Variants in SCARA5 observed in about 807,000 individuals in gnomAD.
SCARA5 encodes the protein scavenger receptor class A, member 5 (putative).
A neutral mutation model predicts 46.3 loss-of-function variants in SCARA5; 45 were observed. The ratio of observed to expected loss-of-function variants is 0.97; its 90% CI spans 0.76 to 1.24. The LOEUF is 1.24. Ranked by LOEUF, SCARA5 falls within the 50% of genes most tolerant of loss-of-function variation. SCARA5 has a pLI of 0.00. For missense variants in SCARA5, 680 were observed against 689.0 expected, an observed-to-expected ratio of 0.99 and a Z score of 0.15; for synonymous variants, 333 against 306.5, an observed-to-expected ratio of 1.09 and a Z score of -0.90.
chr8:27,947,886 A>G (rs1045511228), intron 3 of SCARA5, among the ~76,000 whole-genome samples: 3 of 152,120 alleles, frequency 2.0e-5, no homozygotes, highest in African/African-American at 7.2e-5. Flanking sequence ...AAAACATGAT[A>G]GACAAACACT....
chr8:27,921,946 C>T lies in SCARA5; in HGVS notation c.541G>A (p.Ala181Thr). 6.5e-7 allele frequency: 1 copy of T among 1,542,228 alleles called. No individual in the cohort carries two copies. The highest frequency in any genetic ancestry group is 1.2e-5 in the South Asian group (1 of 81,856). The change falls in exon 4 of 9, where the codon GCG becomes ACG. Residue 181 changes from alanine (A) to threonine (T), a missense_variant. Around this residue, in one of 3 missense-constraint regions of SCARA5, gnomAD observed 438 missense variants for 384.5 expected, o/e 1.14. Coordinates refer to ENST00000354914, the MANE Select transcript of SCARA5 (RefSeq NM_173833.6). ...RDRTGQQSDT[A>T]QLELYQLQVE... Reference sequence around the variant, plus strand: ...TGCAGCTGGTAGAGCTCCAGCTGCGCCGTGTCGCTCTGCTGGCCCGTGCGG... The same window carrying T: ...TGCAGCTGGTAGAGCTCCAGCTGCGTCGTGTCGCTCTGCTGGCCCGTGCGG...
chr8:27,915,839 T>C (rs1160343866), intron 4 of SCARA5, among the ~76,000 whole-genome samples: 2 of 152,090 alleles, frequency 1.3e-5, no homozygotes, highest in African/African-American at 4.8e-5. Context: ...TGCCACTCCA[T>C]CCAAATGCTG....
At chr8:27,985,021 CA>C (rs1390445236) in intron 2 of SCARA5, among the ~76,000 whole-genome samples, 22 of 152,276 alleles carry the variant, frequency 1.4e-4, no homozygotes, top group African/African-American at 5.3e-4. Flanking sequence ...TCCATTCATT[CA>C]AAAAATGCCT....
chr8:27,989,252 C>T (rs944679249), intron 1 of SCARA5, among the ~76,000 whole-genome samples: 10 of 149,716 alleles, frequency 6.7e-5, no homozygotes, highest in Non-Finnish European at 1.3e-4. Context: ...CCTCCCAACT[C>T]ATCCTCCTGA....
intron 3 of SCARA5, among the ~76,000 whole-genome samples, chr8:27,938,121 A>G (rs553710171): frequency 6.9e-4 from 105 of 152,102 alleles, no homozygotes; most frequent in Non-Finnish European, 1.0e-3. Context: ...ATACTGTCCC[A>G]GCCCACTCAG....
rs1397927158 is a variant in SCARA5 at position 27,871,765 on chromosome 8, G to C, written c.*169C>G. ...GTTATACTTCGGAGCACATGTTCAAGAGGGAAATGACGACCGGCCCCCACG... is the reference window on the plus strand; with the variant it reads ...GTTATACTTCGGAGCACATGTTCAACAGGGAAATGACGACCGGCCCCCACG... On this transcript the variant is annotated 3_prime_UTR_variant, in exon 9 of 9. Coordinates refer to ENST00000354914, the MANE Select transcript of SCARA5 (RefSeq NM_173833.6). 6.9e-7 allele frequency: 1 copy of C among 1,454,122 alleles called. No individual in the cohort carries two copies. The highest frequency in any genetic ancestry group is 1.4e-5 in the South Asian group (1 of 70,060). The allele number at this position is 1,454,122 out of a possible 1,614,324, so 90.1% of individuals were successfully genotyped here. A position where few individuals can be genotyped will look rare whatever the true frequency, so the allele number is the denominator to read the frequency against.
chr8:27,873,214 C>T (rs1156642421), intron 8 of SCARA5, among the ~76,000 whole-genome samples: 2 of 152,180 alleles, frequency 1.3e-5, no homozygotes, highest in African/African-American at 2.4e-5. Flanking sequence ...TAGGTTCCCA[C>T]GCCGCCCCTA....
intron 2 of SCARA5, among the ~76,000 whole-genome samples, chr8:27,984,718 A>G (rs1422222366): frequency 6.6e-6 from 1 of 151,786 alleles, no homozygotes; most frequent in Non-Finnish European, 1.5e-5. Flanking sequence ...CCATCCAGCT[A>G]TCCATCTATC....
intron 7 of SCARA5, among the ~76,000 whole-genome samples, chr8:27,884,019 C>T (rs1054198537): frequency 3.9e-5 from 6 of 152,062 alleles, no homozygotes; most frequent in African/African-American, 1.4e-4. Context: ...AAGGAGAGAA[C>T]TCAGAACTGG....
At chr8:27,873,681 A>G (rs1476221327) in intron 8 of SCARA5, among the ~76,000 whole-genome samples, 2 of 152,164 alleles carry the variant, frequency 1.3e-5, no homozygotes, top group African/African-American at 4.8e-5. Context: ...ACCCAGGTGA[A>G]ATAAATAGCC....
At chr8:27,940,086 T>C (rs1281014036) in intron 3 of SCARA5, among the ~76,000 whole-genome samples, 1 of 152,208 alleles carries the variant, frequency 6.6e-6, no homozygotes, top group Non-Finnish European at 1.5e-5. Flanking sequence ...TAAGTGCTTG[T>C]TTTCAAACAG....
intron 3 of SCARA5, among the ~76,000 whole-genome samples, chr8:27,927,541 A>G (rs1477402468): frequency 6.6e-6 from 1 of 151,980 alleles, no homozygotes; most frequent in Admixed American, 6.6e-5. Flanking sequence ...TTTTATAAGC[A>G]TTTTTTATCC....
chr8:27,913,807 C>A (rs925660379), intron 4 of SCARA5, among the ~76,000 whole-genome samples: 1 of 152,226 alleles, frequency 6.6e-6, no homozygotes, highest in Non-Finnish European at 1.5e-5. Flanking sequence ...GCAGATCACT[C>A]ACGATCTGAC....
chr8:27,933,174 C>T (rs1044825305), intron 3 of SCARA5, among the ~76,000 whole-genome samples: 3 of 152,194 alleles, frequency 2.0e-5, no homozygotes, highest in Non-Finnish European at 4.4e-5. Context: ...ATTTTTAGGA[C>T]TAGCAGATGT....
At chr8:27,895,170 TG>T (rs1459314927) in intron 7 of SCARA5, among the ~76,000 whole-genome samples, 15 of 152,136 alleles carry the variant, frequency 9.9e-5, no homozygotes, top group African/African-American at 3.4e-4. Context: ...CACATGGGGC[TG>T]GGAATATAGG....
intron 7 of SCARA5, among the ~76,000 whole-genome samples, chr8:27,890,183 T>C (rs1298471414): frequency 2.0e-5 from 3 of 152,156 alleles, no homozygotes; most frequent in Non-Finnish European, 4.4e-5. Flanking sequence ...TCCAAAACCC[T>C]CAGTTAGAAA....
rs1808374627 is a variant in SCARA5, at chr8:27,966,658, C to T, written c.113-116G>A. The T allele has an allele frequency of 2.6e-6, 3 of 1,135,462 alleles. No individual in the cohort carries two copies. The Admixed American group carries it at 7.9e-5, about 30-fold the overall frequency. 70.3% of individuals were successfully genotyped at this position (1,135,462 alleles called of 1,614,324 possible). Reference sequence around the variant, plus strand: ...ATGCAGATGTTCATGTTGAACTTCTCACATCCCTTTTGCATGTCTAGAATG... The same window carrying T: ...ATGCAGATGTTCATGTTGAACTTCTTACATCCCTTTTGCATGTCTAGAATG... On this transcript the variant is annotated intron_variant, in intron 2 of 8. Coordinates refer to ENST00000354914, the MANE Select transcript of SCARA5 (RefSeq NM_173833.6).
At position 27,957,997 on chromosome 8, in the gene SCARA5, C is replaced by T. The variant is rs946260216; in HGVS notation, c.241+8417G>A. Among the ~76,000 whole-genome samples the T allele has an allele frequency of 3.3e-5, 5 of 149,364 alleles. No individual in the cohort carries two copies. In the South Asian group the frequency reaches 6.2e-4, roughly 19 times the overall value. On this transcript the variant is annotated intron_variant, in intron 3 of 8. Coordinates refer to ENST00000354914, the MANE Select transcript of SCARA5 (RefSeq NM_173833.6). ...GCCAAGCAGTACACAAATGGATGAG[C>T]GTGTCTGTGTTCCAGTAAAACTTTA...
At chr8:27,895,665 C>A (rs1474737469) in intron 7 of SCARA5, among the ~76,000 whole-genome samples, 1 of 152,190 alleles carries the variant, frequency 6.6e-6, no homozygotes, top group African/African-American at 2.4e-5. Context: ...AAGGCGGCCA[C>A]GCCAGGACCA....
Sources: gnomAD v4.1 joint callset for allele counts (sites outside exome capture counted in the v4.1 genomes callset) on GRCh38, gnomAD v4.1.1 for gene constraint, gnomAD v4.1.1 regional missense constraint, MANE v1.5 for transcripts, NCBI Gene and HGNC (gene_info 2026-07-23, HGNC 2026-07-21) for gene names.